FRMD4A: variants seen among roughly 807,000 people sequenced by gnomAD.
FRMD4A encodes FERM domain containing 4A.
In FRMD4A, 29 loss-of-function variants were observed where a neutral mutation model predicts 129.1. That is an observed-to-expected ratio of 0.22 (90% CI 0.17 to 0.31). FRMD4A has a LOEUF of 0.31. Among genes scored for constraint, FRMD4A ranks in the 10% least tolerant of loss-of-function variants. The pLI, the probability that FRMD4A is intolerant of heterozygous loss-of-function variation, is 1.00. For synonymous variants in FRMD4A, 634 were observed against 571.6 expected, an observed-to-expected ratio of 1.11 and a Z score of -1.56; for missense variants, 1,272 against 1,375.8, an observed-to-expected ratio of 0.92 and a Z score of 1.19.
At chr10:13,720,656 C>T (rs11258554) in intron 12 of FRMD4A, among the ~76,000 whole-genome samples, 1 of 152,156 alleles carries the variant, frequency 6.6e-6, no homozygotes, top group South Asian at 2.1e-4. Context: ...AAATGGGAAC[C>T]AGGGAAGGAT....
chr10:14,309,210 G>T (rs1316088423), intron 2 of FRMD4A, among the ~76,000 whole-genome samples: 1 of 152,152 alleles, frequency 6.6e-6, no homozygotes, highest in South Asian at 2.1e-4. Context: ...AGCTACGCAG[G>T]AGACCAAGGT....
chr10:13,989,173 C>T (rs2095594120), intron 2 of FRMD4A, among the ~76,000 whole-genome samples: 3 of 152,066 alleles, frequency 2.0e-5, no homozygotes, highest in South Asian at 4.1e-4. Flanking sequence ...CACCTCCCAT[C>T]CCACACTGCG....
At chr10:13,875,619 T>C (rs541244742) in intron 2 of FRMD4A, among the ~76,000 whole-genome samples, 34 of 152,290 alleles carry the variant, frequency 2.2e-4, no homozygotes, top group South Asian at 1.9e-3. Context: ...CTTCTGGAAA[T>C]CTGTATTCAA....
At chr10:13,912,492 G>A (rs530441429) in intron 2 of FRMD4A, among the ~76,000 whole-genome samples, 7 of 150,304 alleles carry the variant, frequency 4.7e-5, no homozygotes, top group Non-Finnish European at 1.0e-4. Flanking sequence ...GAACAGATAA[G>A]CAAAATGTGA....
chr10:14,038,470 G>A (rs1038846168), intron 2 of FRMD4A, among the ~76,000 whole-genome samples: 3 of 152,118 alleles, frequency 2.0e-5, no homozygotes, highest in African/African-American at 7.2e-5. Flanking sequence ...CAAAAACAAA[G>A]GGCAATTCAT....
chr10:14,243,059 T>C (rs1294990936), intron 2 of FRMD4A, among the ~76,000 whole-genome samples: 1 of 49,588 alleles, frequency 2.0e-5, no homozygotes, highest in Admixed American at 2.4e-4. Context: ...CATCCCTCCA[T>C]CCATTCATCC....
intron 2 of FRMD4A, among the ~76,000 whole-genome samples, chr10:14,160,254 G>C (rs1032868908): frequency 2.0e-5 from 3 of 152,056 alleles, no homozygotes; most frequent in African/African-American, 7.2e-5. Flanking sequence ...GGGAAAACTG[G>C]ATACCCTCTC....
At chr10:14,233,886 A>T (rs367897588) in intron 2 of FRMD4A, among the ~76,000 whole-genome samples, 4 of 152,354 alleles carry the variant, frequency 2.6e-5, no homozygotes, top group African/African-American at 7.2e-5. Flanking sequence ...GGCTAGAGAG[A>T]TGTTTCTGAA....
At chr10:14,003,735 G>A (rs113602657) in intron 2 of FRMD4A, among the ~76,000 whole-genome samples, 3,197 of 152,226 alleles carry the variant, frequency 0.021, 102 homozygotes, top group African/African-American at 0.073. Flanking sequence ...CACAAACTAA[G>A]ACAACATGGG....
rs558023282 is a variant in FRMD4A, at chr10:14,272,334, T to G, written c.45+57724A>C. Among the ~76,000 whole-genome samples, 245 of 152,282 alleles carry G rather than the reference T, an allele frequency of 1.6e-3. 1 individual carries two copies. Among genetic ancestry groups the G allele is most frequent in the African/African-American group, 5.5e-3 (228 of 41,550 alleles). ...CAGAAGGAATCACATGACCCTAACC[T>G]GCATCCAGAGGAGACCAGGTAGTCC... is the stretch of plus-strand genomic sequence containing the variant. On this transcript the variant is annotated intron_variant, in intron 2 of 24. Transcript: ENST00000357447.
chr10:14,319,363 T>TCC (rs1846885169), intron 2 of FRMD4A, among the ~76,000 whole-genome samples: 1 of 144,286 alleles, frequency 6.9e-6, no homozygotes, highest in African/African-American at 2.9e-5. Flanking sequence ...TCTCTCTCTC[T>TCC]CTCTCACACA....
At chr10:13,666,540 C>T (rs937826247) in intron 17 of FRMD4A, among the ~76,000 whole-genome samples, 8 of 152,176 alleles carry the variant, frequency 5.3e-5, no homozygotes, top group Non-Finnish European at 8.8e-5. Context: ...TTGGTGTGAA[C>T]GCTGCCGCCA....
intron 2 of FRMD4A, among the ~76,000 whole-genome samples, chr10:14,125,909 G>A (rs1183846891): frequency 6.8e-6 from 1 of 146,086 alleles, no homozygotes; most frequent in East Asian, 1.9e-4. Context: ...CAAAAACAGG[G>A]TACAACACAG....
In FRMD4A at chr10:13,952,858, A is replaced by AT. The variant is rs1250177982; in HGVS notation, c.46-93947dup. Among the ~76,000 whole-genome samples, 54 of 151,472 alleles carry AT rather than the reference A, an allele frequency of 3.6e-4. 1 individual carries two copies. The South Asian group carries it at 0.011, about 30-fold the overall frequency. ...ATGGTGCCCACCACCATGTCGGCTA[A>AT]TTTTTTTTCGTATTTTTAGTAGAGA... is the stretch of plus-strand genomic sequence containing the variant. On this transcript the variant is annotated intron_variant, in intron 2 of 24. Coordinates refer to ENST00000357447, the MANE Select transcript of FRMD4A (RefSeq NM_018027.5).
intron 2 of FRMD4A, among the ~76,000 whole-genome samples, chr10:14,174,871 GTGTGTGTCTGTGTGT>G (rs1841652800): frequency 2.9e-5 from 1 of 33,948 alleles, no homozygotes; most frequent in African/African-American, 5.6e-5. Context: ...AAAAAAGTGT[GTGTGTGTCTGTGTGT>G]GTGTGTGTGT....
Position 13,966,229 on chromosome 10 carries a change from G to A in FRMD4A, c.46-107317C>T, listed in dbSNP as rs190065258. On this transcript the variant is annotated intron_variant, in intron 2 of 24. Transcript: ENST00000357447. The stretch of plus-strand genomic sequence containing the variant: ...GTAGAGACAGGGTTTCACCATGTTG[G>A]CCAAGCTGGTCTCGAACTCCTGACC... Among the ~76,000 whole-genome samples, 578 of 152,188 alleles carry A rather than the reference G, an allele frequency of 3.8e-3. 7 individuals carry two copies. Among genetic ancestry groups the A allele is most frequent in the Admixed American group, 6.2e-3 (94 of 15,280 alleles).
At chr10:13,687,426 A>C (rs943101) in intron 15 of FRMD4A, among the ~76,000 whole-genome samples, 51,024 of 152,074 alleles carry the variant, frequency 0.34, 9,487 homozygotes, top group African/African-American at 0.5. Context: ...TCACCTACAA[A>C]GATACACCCA....
rs531749006 is a variant in FRMD4A at position 14,042,083 on chromosome 10, CA to C, written c.46-183172del. On this transcript the variant is annotated intron_variant, in intron 2 of 24. Coordinates refer to ENST00000357447, the MANE Select transcript of FRMD4A (RefSeq NM_018027.5). ...AATAAACAGAAACTTCTCTCAGAAG[CA>C]AAATGTATTCAAAGACCTGTGCTAA... is the stretch of plus-strand genomic sequence containing the variant. Among the ~76,000 whole-genome samples the C allele has an allele frequency of 4.4e-3, 663 of 152,320 alleles. 2 individuals carry two copies. The highest frequency in any genetic ancestry group is 7.7e-3 in the Non-Finnish European group (525 of 68,018).
intron 14 of FRMD4A, among the ~76,000 whole-genome samples, chr10:13,695,836 G>A (rs1009005256): frequency 6.6e-6 from 1 of 152,156 alleles, no homozygotes; most frequent in Non-Finnish European, 1.5e-5. Context: ...CCTACCTTCC[G>A]TGCCTGGGGG....
Sources: gnomAD v4.1 joint callset for allele counts (sites outside exome capture counted in the v4.1 genomes callset) on GRCh38, gnomAD v4.1.1 for gene constraint, MANE v1.5 for transcripts, NCBI Gene and HGNC (gene_info 2026-07-23, HGNC 2026-07-21) for gene names.